EP400: variants seen among roughly 807,000 people sequenced by gnomAD.
EP400 encodes the protein E1A binding protein p400, also known as E1A-binding protein p400.
A neutral mutation model predicts 354.1 loss-of-function variants in EP400; 105 were observed. The ratio of observed to expected loss-of-function variants is 0.30; its 90% CI spans 0.25 to 0.35. The LOEUF is 0.35. Ranked by LOEUF, EP400 falls within the 10% of genes least tolerant of loss-of-function variation. The pLI is 1.00. For synonymous variants in EP400, 1,646 were observed against 1,716.9 expected (o/e 0.96, Z 1.02); for missense variants, 3,280 against 4,121.0 (o/e 0.80, Z 5.59).
At chr12:132,019,753 T>C in intron 21 of EP400, among the ~76,000 whole-genome samples, 1 of 152,214 alleles carries the variant, frequency 6.6e-6, no homozygotes, top group East Asian at 1.9e-4. Context: ...CTATCTACAT[T>C]GATATGATTG....
intron 2 of EP400, among the ~76,000 whole-genome samples, 196 bp downstream of exon 2, chr12:131,962,150 C>T (rs571805010): frequency 2.0e-5 from 3 of 152,270 alleles, no homozygotes; most frequent in African/African-American, 7.2e-5. Context: ...AGCTGTTGAG[C>T]GCAGAAGTGT....
intron 50 of EP400, chr12:132,069,239 G>A (rs1362350614): frequency 4.3e-6 from 2 of 465,574 alleles, no homozygotes; most frequent in East Asian, 3.4e-5. Context: ...GCAGTGTCCC[G>A]GGTGGGGTGG....
At chr12:131,995,768 T>A (rs1012222722) in intron 12 of EP400, among the ~76,000 whole-genome samples, 1 of 125,660 alleles carries the variant, frequency 8.0e-6, no homozygotes, top group Non-Finnish European at 1.7e-5. Context: ...CTTGACTGAA[T>A]GTACCGTTCA....
intron 45 of EP400, 125 bp downstream of exon 45, chr12:132,055,333 C>A (rs1176928657): frequency 2.4e-6 from 2 of 822,138 alleles, no homozygotes; most frequent in Admixed American, 2.9e-5. Flanking sequence ...GTTTGAATTT[C>A]ATAAAATAAG....
intron 2 of EP400, among the ~76,000 whole-genome samples, chr12:131,968,052 G>GT: frequency 6.6e-6 from 1 of 152,024 alleles, no homozygotes; most frequent in East Asian, 1.9e-4. Flanking sequence ...TCTTTGGCTT[G>GT]TTTTTTTCTT....
At chr12:132,040,247 G>A (rs1247109696) in intron 32 of EP400, among the ~76,000 whole-genome samples, 2 of 152,014 alleles carry the variant, frequency 1.3e-5, no homozygotes, top group African/African-American at 2.4e-5. Flanking sequence ...GAGGAAAGGG[G>A]CCCGTTGCAC....
In EP400 at chr12:132,067,587, A is replaced by T; in HGVS notation, c.8874+101A>T. ...CAGACAAATCCCCATGTGGCGGCTC[A>T]CGCTTTTCAGAGGGTGGCTTCAAGG... On this transcript the variant is annotated intron_variant, in intron 50 of 52. Transcript: ENST00000389561. This position sits in a 1 kb window ranked among gnomAD's most constrained non-coding sequence, Gnocchi z 5.3. 6.7e-7 allele frequency: 1 copy of T among 1,497,494 alleles called. No individual in the cohort carries two copies. Among genetic ancestry groups the T allele is most frequent in the South Asian group, 1.3e-5 (1 of 77,500 alleles). The allele number at this position is 1,497,494 out of a possible 1,614,324, so 92.8% of individuals were successfully genotyped here.
At chr12:131,973,474 T>G (rs992100430) in intron 2 of EP400, among the ~76,000 whole-genome samples, 1 of 152,148 alleles carries the variant, frequency 6.6e-6, no homozygotes, top group Non-Finnish European at 1.5e-5. Flanking sequence ...AAACCCCATC[T>G]CTACCAAAAA....
Position 132,080,408 on chromosome 12 carries a change from G to C in EP400, c.*2735G>C, listed in dbSNP as rs1896342900. The C allele has an allele frequency of 6.6e-6, 1 of 152,610 alleles. No homozygotes were observed. The highest frequency in any genetic ancestry group is 1.5e-5 in the Non-Finnish European group (1 of 68,032). 9.5% of individuals were successfully genotyped at this position (152,610 alleles called of 1,614,324 possible). On this transcript the variant is annotated 3_prime_UTR_variant, in exon 53 of 53. Transcript: ENST00000389561. ...TGTACTTGAATAGTAGGATTTTAAA[G>C]GGCATTGATAGCATACCAAACAAAA...
In EP400 at chr12:132,023,811, C is replaced by T; in HGVS notation, c.4725C>T (p.Ser1575=). 1 of 1,613,760 alleles carries T rather than the reference C, an allele frequency of 6.2e-7. No individual in the cohort carries two copies. Among genetic ancestry groups the T allele is most frequent in the Non-Finnish European group, 8.5e-7 (1 of 1,179,898 alleles). Residue 1575 remains serine (S), a synonymous_variant, in exon 24 of 53, where the codon TCC becomes TCT. Coordinates refer to ENST00000389561, the MANE Select transcript of EP400 (RefSeq NM_015409.5). ...TAGTGAAAATAGCTCAGCTGGCATC[C>T]ATCACAGGACCACAGAGCCGCGTGG... The part of the protein sequence containing the change: ...GEVVKIAQLA[S]ITGPQSRVAQ...
chr12:131,960,614 G>A lies in EP400; in HGVS notation c.-6G>A. ...ACGACACATTGGATACAGAAGGGAG[G>A]TGATCATGCACCATGGCACTGGCCC... On this transcript the variant is annotated 5_prime_UTR_variant, in exon 2 of 53. In the 5' UTR this introduces an upstream ATG that the reference lacks. Coordinates refer to ENST00000389561, the MANE Select transcript of EP400 (RefSeq NM_015409.5). The A allele has an allele frequency of 2.5e-6, 4 of 1,583,080 alleles. No homozygotes were observed. The highest frequency in any genetic ancestry group is 3.4e-6 in the Non-Finnish European group (4 of 1,165,108).
chr12:132,040,990 G>T (rs1323521495), intron 32 of EP400, among the ~76,000 whole-genome samples: 1 of 152,198 alleles, frequency 6.6e-6, no homozygotes, highest in Admixed American at 6.5e-5. Context: ...ACAACTGGGG[G>T]ACATGTGGGG....
chr12:132,012,483 C>T (rs1893799002), intron 16 of EP400, among the ~76,000 whole-genome samples: 1 of 152,162 alleles, frequency 6.6e-6, no homozygotes, highest in Non-Finnish European at 1.5e-5. Flanking sequence ...TTTCATACTG[C>T]ACAAGTTCAT....
intron 12 of EP400, among the ~76,000 whole-genome samples, chr12:132,000,512 A>C (rs1893370810): frequency 6.6e-6 from 1 of 152,068 alleles, no homozygotes; most frequent in Non-Finnish European, 1.5e-5. Flanking sequence ...ATCCTTACTG[A>C]TTTTTGTCTT....
At chr12:132,076,657 C>T in intron 52 of EP400, 64 bp downstream of exon 52, 1 of 1,440,162 alleles carries the variant, frequency 6.9e-7, no homozygotes, top group South Asian at 1.3e-5. Context: ...TTGTTTTCAT[C>T]TGAGGTCATG....
chr12:132,020,341 G>A (rs1192040253), intron 22 of EP400, 123 bp downstream of exon 22: 10 of 1,170,230 alleles, frequency 8.5e-6, no homozygotes, highest in South Asian at 1.7e-5. Context: ...GGCACCACCC[G>A]CTGGCTTTCT....
At chr12:131,950,603 C>G (rs1739075022) in intron 1 of EP400, among the ~76,000 whole-genome samples, 1 of 147,938 alleles carries the variant, frequency 6.8e-6, no homozygotes, top group Non-Finnish European at 1.5e-5. Context: ...TCCGCTCCTT[C>G]TCGGCGTAGA....
chr12:132,061,729 A>G (rs1895700389), intron 45 of EP400, among the ~76,000 whole-genome samples: 2 of 152,234 alleles, frequency 1.3e-5, no homozygotes, highest in African/African-American at 4.8e-5. Context: ...AGATGGGGAC[A>G]GTGGTAGAGA....
intron 30 of EP400, among the ~76,000 whole-genome samples, chr12:132,035,105 G>C (rs141765401): frequency 1.3e-5 from 2 of 152,194 alleles, no homozygotes; most frequent in African/African-American, 4.8e-5. Context: ...AATATGAACA[G>C]TCCATCCCAA....
Sources: allele counts gnomAD v4.1 joint callset (sites outside exome capture counted in the v4.1 genomes callset), GRCh38; gene constraint gnomAD v4.1.1; non-coding constraint Gnocchi (gnomAD v3.1); transcripts MANE v1.5; gene names NCBI Gene and HGNC (gene_info 2026-07-23, HGNC 2026-07-21).